The following MCC variants were observed in gnomAD, a reference collection of about 807,000 sequenced individuals.
The protein encoded by MCC is MCC regulator of Wnt signaling pathway, also known as colorectal mutant cancer protein.
Under a neutral mutation model 116.2 loss-of-function variants are expected in MCC, and 90 were observed. That is an observed-to-expected ratio of 0.77 (90% confidence interval 0.65 to 0.92). The LOEUF (loss-of-function observed/expected upper bound fraction) is 0.92. Among genes scored for constraint, MCC ranks in the 40% least tolerant of loss-of-function variants. The pLI is 0.00. For missense variants in MCC, 1,516 were observed against 1,312.2 expected (o/e 1.16, Z -2.40); for synonymous variants, 578 against 510.5 (o/e 1.13, Z -1.78).
intron 16 of MCC, among the ~76,000 whole-genome samples, chr5:113,046,710 A>AAAAGAG: frequency 2.7e-4 from 28 of 102,462 alleles, no homozygotes; most frequent in African/African-American, 1.0e-3. Flanking sequence ...AAAAAAAAAA[A>AAAAGAG]AGAGAGAGAT....
In MCC at chr5:113,029,048, T is replaced by A; in HGVS notation, c.2765A>T (p.Lys922Met). 1.2e-6 allele frequency: 2 copies of A among 1,612,888 alleles called. No individual in the cohort carries two copies. Among genetic ancestry groups the A allele is most frequent in the Middle Eastern group, 1.6e-4 (1 of 6,062 alleles). Reference protein sequence around the residue: ...EFTNAIRREKKLKARVQELVS... With the variant: ...EFTNAIRREKMLKARVQELVS... ...CAGCTCTTGAACTCTGGCCTTCAAC[T>A]TCTTTTCTCTATATTAAAGGAGACA... The change falls in exon 18 of 19, where the codon AAG (lysine) becomes ATG (methionine). Residue 922 changes from lysine (K) to methionine (M), a missense_variant. Coordinates refer to ENST00000408903, the MANE Select transcript of MCC (RefSeq NM_001085377.2).
At chr5:113,284,027 C>G (rs1193050493) in intron 3 of MCC, among the ~76,000 whole-genome samples, 8 of 152,170 alleles carry the variant, frequency 5.3e-5, no homozygotes, top group Admixed American at 3.9e-4. Flanking sequence ...CTCCAGCTTA[C>G]TTTCGGACTA....
chr5:113,424,746 G>A (rs1770439261), intron 1 of MCC, among the ~76,000 whole-genome samples: 2 of 151,700 alleles, frequency 1.3e-5, no homozygotes, highest in African/African-American at 2.4e-5. Flanking sequence ...AAATTAGAAA[G>A]CACACCCAGA....
chr5:113,422,223 C>T (rs1770358260), intron 1 of MCC, among the ~76,000 whole-genome samples: 1 of 152,152 alleles, frequency 6.6e-6, no homozygotes, highest in Non-Finnish European at 1.5e-5. Flanking sequence ...CTGAAAATCA[C>T]ATCTAGTGAG....
At chr5:113,224,952 G>A (rs752077808) in intron 3 of MCC, among the ~76,000 whole-genome samples, 4 of 152,146 alleles carry the variant, frequency 2.6e-5, no homozygotes, top group Non-Finnish European at 4.4e-5. Context: ...ACCCAGACAG[G>A]ATATAAGAAA....
intron 11 of MCC, among the ~76,000 whole-genome samples, chr5:113,080,516 A>C (rs568909075): frequency 6.6e-6 from 1 of 152,320 alleles, no homozygotes; most frequent in African/African-American, 2.4e-5. Context: ...ACATGGATGA[A>C]GCTGGAAACC....
At chr5:113,417,515 G>T (rs1770188169) in intron 1 of MCC, among the ~76,000 whole-genome samples, 1 of 148,630 alleles carries the variant, frequency 6.7e-6, no homozygotes, top group Non-Finnish European at 1.5e-5. Context: ...GCACCAAATA[G>T]TTTCCCATTT....
chr5:113,052,428 C>T (rs1018049145), intron 15 of MCC, among the ~76,000 whole-genome samples: 11 of 117,272 alleles, frequency 9.4e-5, no homozygotes, highest in African/African-American at 3.3e-4. Context: ...ATGGGAGCTG[C>T]GTGGCTTGAT....
chr5:113,363,505 C>T (rs1028472165), intron 2 of MCC, among the ~76,000 whole-genome samples: 3 of 152,076 alleles, frequency 2.0e-5, no homozygotes, highest in Admixed American at 2.0e-4. Flanking sequence ...GGAGGTTCTA[C>T]ACACTTTGAA....
At chr5:113,189,945 G>A (rs1762073984) in intron 3 of MCC, among the ~76,000 whole-genome samples, 1 of 152,134 alleles carries the variant, frequency 6.6e-6, no homozygotes, top group African/African-American at 2.4e-5. Context: ...GTTATCTAGA[G>A]AGCCTCATTA....
rs1356514237 is a variant in MCC, at chr5:113,383,808, G to A, written c.415+1160C>T. Among the ~76,000 whole-genome samples the A allele has an allele frequency of 2.6e-5, 4 of 152,138 alleles. 1 individual carries two copies. In the East Asian group the frequency reaches 7.7e-4, roughly 29 times the overall value. Reference sequence around the variant, plus strand: ...GAAGGTAGTAACGCATGGAGTGTATGTGGACATTTTTATTGTTTCCATTAC... The same window carrying A: ...GAAGGTAGTAACGCATGGAGTGTATATGGACATTTTTATTGTTTCCATTAC... On this transcript the variant is annotated intron_variant, in intron 2 of 18. Transcript: ENST00000408903.
At chr5:113,331,833 TCA>T (rs1317512234) in intron 3 of MCC, among the ~76,000 whole-genome samples, 2 of 151,488 alleles carry the variant, frequency 1.3e-5, no homozygotes, top group Non-Finnish European at 2.9e-5. Flanking sequence ...AGACGGGGTT[TCA>T]CCATGTTAAC....
chr5:113,142,428 C>T (rs888858140), intron 5 of MCC, among the ~76,000 whole-genome samples: 1 of 151,880 alleles, frequency 6.6e-6, no homozygotes, highest in Non-Finnish European at 1.5e-5. Flanking sequence ...AGGAACAGGG[C>T]AGATACAACC....
chr5:113,112,421 C>G (rs1455892482), intron 6 of MCC, among the ~76,000 whole-genome samples: 1 of 152,124 alleles, frequency 6.6e-6, no homozygotes, highest in Non-Finnish European at 1.5e-5. Context: ...CCTCCCCTTT[C>G]TCTCTTTTTC....
At chr5:113,150,477 TAA>T (rs1313349353) in intron 4 of MCC, among the ~76,000 whole-genome samples, 2 of 151,314 alleles carry the variant, frequency 1.3e-5, no homozygotes, top group East Asian at 3.9e-4. Flanking sequence ...CAAAATAAAC[TAA>T]AAGACATGAG....
At chr5:113,294,320 G>GT in intron 3 of MCC, 1 of 1,613,750 alleles carries the variant, frequency 6.2e-7, no homozygotes, top group Non-Finnish European at 8.5e-7. Flanking sequence ...GACCTCAGCT[G>GT]TTTCTTACCT....
chr5:113,091,428 C>A, intron 8 of MCC, among the ~76,000 whole-genome samples: 1 of 152,142 alleles, frequency 6.6e-6, no homozygotes, highest in South Asian at 2.1e-4. Context: ...AGAGAGCCAG[C>A]AGTCTGAATC....
chr5:113,080,818 A>C (rs56151516), intron 11 of MCC, among the ~76,000 whole-genome samples: 21,585 of 142,388 alleles, frequency 0.15, 1,739 homozygotes, highest in African/African-American at 0.23. Context: ...ACAACAACAA[A>C]AAAAAAAAAG....
chr5:113,442,931 G>A (rs187611303), intron 1 of MCC, among the ~76,000 whole-genome samples: 28 of 152,274 alleles, frequency 1.8e-4, no homozygotes, highest in Admixed American at 9.2e-4. Flanking sequence ...GTCAGGTAGC[G>A]TGATGCCTCC....
Sources: allele counts gnomAD v4.1 joint callset (sites outside exome capture counted in the v4.1 genomes callset), GRCh38; gene constraint gnomAD v4.1.1; transcripts MANE v1.5; gene names NCBI Gene and HGNC (gene_info 2026-07-23, HGNC 2026-07-21).